The following KCNQ1 variants were observed in gnomAD, a reference collection of about 807,000 sequenced individuals.
KCNQ1 encodes potassium voltage-gated channel subfamily KQT member 1.
KCNQ1 carries 49 observed loss-of-function variants against 72.4 expected under a neutral mutation model. The observed-to-expected ratio is 0.68, with a 90% CI of 0.54 to 0.86. The LOEUF (loss-of-function observed/expected upper bound fraction) is 0.86, where lower values mean the gene tolerates loss of function less well. KCNQ1 is among the 40% of genes least tolerant of loss of function. The probability of loss-of-function intolerance (pLI) is 0.00; values close to 1 mark genes in which losing one functional copy is unlikely to be tolerated. For synonymous variants in KCNQ1, 450 were observed against 412.6 expected, an observed-to-expected ratio of 1.09 and a Z score of -1.10; for missense variants, 790 against 945.1, an observed-to-expected ratio of 0.84 and a Z score of 2.15.
At chr11:2,721,969 A>G (rs181082743) in intron 11 of KCNQ1, among the ~76,000 whole-genome samples, 1 of 152,282 alleles carries the variant, frequency 6.6e-6, no homozygotes, top group East Asian at 1.9e-4. Flanking sequence ...CCCCAAGCCC[A>G]AGGAGCCTGT....
chr11:2,732,951 C>T (rs1038692957), intron 11 of KCNQ1, among the ~76,000 whole-genome samples: 7 of 152,112 alleles, frequency 4.6e-5, no homozygotes, highest in South Asian at 2.1e-4. Flanking sequence ...ACTCGAGGCT[C>T]CTGCTGGGGG....
At position 2,777,586 on chromosome 11, in the gene KCNQ1, C is replaced by T. The variant is rs80130469; in HGVS notation, c.1733-390C>T. ...CTAGCCCAGATGCAAACAGCAGCCA[C>T]GGCTCATAGTGTGGGCTGGTGTAAC... On this transcript the variant is annotated intron_variant, in intron 14 of 15. Coordinates refer to ENST00000155840, the MANE Select transcript of KCNQ1 (RefSeq NM_000218.3). 6.6e-3 allele frequency: 3,521 copies of T among 532,814 alleles called. 68 individuals are homozygous for T. Among genetic ancestry groups the T allele is most frequent in the African/African-American group, 0.05 (2,456 of 48,792 alleles). The allele number at this position is 532,814 out of a possible 1,614,324, so 33.0% of individuals were successfully genotyped here.
rs1849145053 is a variant in KCNQ1 at position 2,620,217 on chromosome 11, T to TTA, written c.1393+31364_1393+31365insAT. 1 of 261,082 alleles carries TTA rather than the reference T, an allele frequency of 3.8e-6. No homozygotes were observed. The highest frequency in any genetic ancestry group is 2.5e-5 in the African/African-American group (1 of 40,796). 16.2% of individuals were successfully genotyped at this position (261,082 alleles called of 1,614,324 possible). A position where few individuals can be genotyped will look rare whatever the true frequency, so the allele number is the denominator to read the frequency against. On this transcript the variant is annotated intron_variant, in intron 10 of 15. Coordinates refer to ENST00000155840, the MANE Select transcript of KCNQ1 (RefSeq NM_000218.3). The surrounding 1 kb of genome is among the most constrained non-coding windows in gnomAD (Gnocchi z 4.5). ...CATTCATGTATATATATATATTTTT[T>TTA]TTTTTTATTTTTTTTTTAGACGGAG...
At chr11:2,640,305 T>A (rs932331199) in intron 10 of KCNQ1, 7 of 398,204 alleles carry the variant, frequency 1.8e-5, no homozygotes, top group African/African-American at 1.2e-4. Flanking sequence ...TCACTCACGC[T>A]GGGAGCTATA....
chr11:2,732,961 G>T (rs569156322), intron 11 of KCNQ1, among the ~76,000 whole-genome samples: 2 of 152,276 alleles, frequency 1.3e-5, no homozygotes, highest in Admixed American at 6.5e-5. Context: ...CCTGCTGGGG[G>T]CTGGTGACCA....
chr11:2,499,532 A>C (rs11023071), intron 1 of KCNQ1, among the ~76,000 whole-genome samples: 60,852 of 136,454 alleles, frequency 0.45, 15,419 homozygotes, highest in Non-Finnish European at 0.57. Flanking sequence ...CCCTGCCCCC[A>C]CAAAAAAAGA....
intron 7 of KCNQ1, among the ~76,000 whole-genome samples, chr11:2,583,871 T>G (rs1848542973): frequency 6.6e-6 from 1 of 152,164 alleles, no homozygotes; most frequent in African/African-American, 2.4e-5. Context: ...GGAGGCAGAA[T>G]CTTGTGCCTG....
At chr11:2,821,883 C>T (rs373815529) in intron 15 of KCNQ1, among the ~76,000 whole-genome samples, 3 of 152,276 alleles carry the variant, frequency 2.0e-5, no homozygotes, top group South Asian at 2.1e-4. Context: ...GTGTCATGGC[C>T]CCAGTGATGT....
At chr11:2,540,566 G>A (rs955398580) in intron 2 of KCNQ1, among the ~76,000 whole-genome samples, 3 of 152,242 alleles carry the variant, frequency 2.0e-5, no homozygotes, top group African/African-American at 7.2e-5. Context: ...TAGCTTGTGG[G>A]AGATGCTCTC....
intron 15 of KCNQ1, among the ~76,000 whole-genome samples, chr11:2,833,926 C>G (rs986562323): frequency 1.3e-5 from 2 of 152,226 alleles, no homozygotes; most frequent in Non-Finnish European, 2.9e-5. Flanking sequence ...ACTTCCTGCC[C>G]TCCCAGCCTG....
chr11:2,676,624 G>C lies in KCNQ1; in HGVS notation c.1514+14543G>C. 2.5e-6 allele frequency: 1 copy of C among 398,644 alleles called. No homozygotes were observed. The highest frequency in any genetic ancestry group is 1.3e-4 in the South Asian group (1 of 7,858). The allele number at this position is 398,644 out of a possible 1,614,324, so 24.7% of individuals were successfully genotyped here. A position where few individuals can be genotyped will look rare whatever the true frequency, so the allele number is the denominator to read the frequency against. On this transcript the variant is annotated intron_variant, in intron 11 of 15. Transcript: ENST00000155840. This position sits in a 1 kb window ranked among gnomAD's most constrained non-coding sequence, Gnocchi z 4.2. ...CAAAGAGGCCTCTAAGAAATGGGTA[G>C]CTTCACAGATTCACAGATAGATAGT...
intron 2 of KCNQ1, among the ~76,000 whole-genome samples, chr11:2,555,527 C>T (rs1486750465): frequency 1.3e-5 from 2 of 152,220 alleles, no homozygotes; most frequent in African/African-American, 2.4e-5. Flanking sequence ...TGGGCGTCTC[C>T]GGGCCATGGG....
At chr11:2,754,513 G>A (rs1380733011) in intron 11 of KCNQ1, among the ~76,000 whole-genome samples, 1 of 152,242 alleles carries the variant, frequency 6.6e-6, no homozygotes, top group African/African-American at 2.4e-5. Flanking sequence ...TTGCAGTGTA[G>A]GCACAAGGGT....
chr11:2,791,905 G>C (rs1847033501), intron 15 of KCNQ1, among the ~76,000 whole-genome samples: 1 of 152,242 alleles, frequency 6.6e-6, no homozygotes, highest in Admixed American at 6.5e-5. Context: ...GCGCACGGCC[G>C]TCCCTGCACG....
chr11:2,736,060 G>A (rs1845950606), intron 11 of KCNQ1, among the ~76,000 whole-genome samples: 1 of 152,108 alleles, frequency 6.6e-6, no homozygotes. Flanking sequence ...TGTGCAGAAG[G>A]CCCATGAGCT....
rs1849737502 is a variant in KCNQ1 at position 2,650,324 on chromosome 11, T to C, written c.1394-11637T>C. On this transcript the variant is annotated intron_variant, in intron 10 of 15. Transcript: ENST00000155840. ...TGGCAAGTCATGTTTTCTTGTTTTT[T>C]TCCCCCCAAGTTTTTTGTGTCCCCA... The C allele has an allele frequency of 3.5e-5, 14 of 398,618 alleles. No individual in the cohort carries two copies. In the East Asian group the frequency reaches 5.0e-4, roughly 14 times the overall value. The allele number at this position is 398,618 out of a possible 1,614,324, so 24.7% of individuals were successfully genotyped here. A position where few individuals can be genotyped will look rare whatever the true frequency, so the allele number is the denominator to read the frequency against.
rs1454102607 is a variant in KCNQ1 at position 2,617,035 on chromosome 11, A to G, written c.1393+28181A>G. The G allele has an allele frequency of 2.5e-6, 1 of 398,068 alleles. No homozygotes were observed. Among genetic ancestry groups the G allele is most frequent in the Admixed American group, 4.4e-5 (1 of 22,686 alleles). 24.7% of individuals were successfully genotyped at this position (398,068 alleles called of 1,614,324 possible). On this transcript the variant is annotated intron_variant, in intron 10 of 15. Coordinates refer to ENST00000155840, the MANE Select transcript of KCNQ1 (RefSeq NM_000218.3). The surrounding 1 kb of genome is among the most constrained non-coding windows in gnomAD (Gnocchi z 4.6). ...ATACAGTTAAATCGTTAACATAGTG[A>G]TGCAAATTAATATGTCCATCATCTC... is the stretch of plus-strand genomic sequence containing the variant.
At chr11:2,727,295 C>T (rs1025067766) in intron 11 of KCNQ1, among the ~76,000 whole-genome samples, 1 of 152,160 alleles carries the variant, frequency 6.6e-6, no homozygotes, top group Non-Finnish European at 1.5e-5. Context: ...CTCAGGGGCC[C>T]AGGGCAGCTC....
Position 2,613,987 on chromosome 11 carries a change from G to C in KCNQ1, c.1393+25133G>C. ...AGAAATCACTCAACATCCATTCACA[G>C]AGATCTTTCTCATTGCATTGCTAAA... On this transcript the variant is annotated intron_variant, in intron 10 of 15. Coordinates refer to ENST00000155840, the MANE Select transcript of KCNQ1 (RefSeq NM_000218.3). The surrounding 1 kb of genome is among the most constrained non-coding windows in gnomAD (Gnocchi z 4.8). 1 of 398,554 alleles carries C rather than the reference G, an allele frequency of 2.5e-6. No homozygotes were observed. 24.7% of individuals were successfully genotyped at this position (398,554 alleles called of 1,614,324 possible).
Sources: gnomAD v4.1 joint callset for allele counts (sites outside exome capture counted in the v4.1 genomes callset) on GRCh38, gnomAD v4.1.1 for gene constraint, Gnocchi (gnomAD v3.1) non-coding constraint, MANE v1.5 for transcripts, NCBI Gene and HGNC (gene_info 2026-07-23, HGNC 2026-07-21) for gene names.